Variants in FHIT observed in about 807,000 individuals in gnomAD.
FHIT encodes the protein fragile histidine triad diadenosine triphosphatase.
A neutral mutation model predicts 17.9 loss-of-function variants in FHIT; 19 were observed. That is an observed-to-expected ratio of 1.06 (90% CI 0.74 to 1.56). FHIT has a LOEUF of 1.56. Among genes scored for constraint, FHIT ranks in the 40% most tolerant of loss-of-function variants. The probability of loss-of-function intolerance (pLI) is 0.00; values close to 1 mark genes in which losing one functional copy is unlikely to be tolerated. For synonymous variants in FHIT, 81 were observed against 69.7 expected (o/e 1.16, Z -0.81); for missense variants, 248 against 189.2 (o/e 1.31, Z -1.82).
chr3:60,889,598 A>C (rs782705943), intron 3 of FHIT, among the ~76,000 whole-genome samples: 6 of 152,214 alleles, frequency 3.9e-5, no homozygotes, highest in Non-Finnish European at 7.3e-5. Flanking sequence ...AGTGGAGGCA[A>C]TAGTGAGGAC....
chr3:59,782,246 G>A (rs567324493), intron 8 of FHIT, among the ~76,000 whole-genome samples: 4 of 152,238 alleles, frequency 2.6e-5, no homozygotes, highest in Admixed American at 6.5e-5. Context: ...GAGCTACTGC[G>A]CCTGGCCATC....
chr3:59,892,076 TA>T (rs1354021560), intron 8 of FHIT, among the ~76,000 whole-genome samples: 1 of 152,250 alleles, frequency 6.6e-6, no homozygotes, highest in African/African-American at 2.4e-5. Flanking sequence ...GCCAAGTCCA[TA>T]CCTTCTGAGA....
rs193086578 is a variant in FHIT, at chr3:59,935,974, T to C, written c.280-13560A>G. On this transcript the variant is annotated intron_variant, in intron 7 of 9. Coordinates refer to ENST00000492590, the MANE Select transcript of FHIT (RefSeq NM_002012.4). ...CACCTTTCTTCCCCACTGAAAAGTATCTTTTTACCAAAATGTAAGTTTGAA... is the reference window on the plus strand; with the variant it reads ...CACCTTTCTTCCCCACTGAAAAGTACCTTTTTACCAAAATGTAAGTTTGAA... Among the ~76,000 whole-genome samples the C allele has an allele frequency of 3.1e-3, 468 of 152,312 alleles. 2 individuals carry two copies. Among genetic ancestry groups the C allele is most frequent in the African/African-American group, 0.011 (442 of 41,570 alleles).
chr3:60,844,101 A>G (rs1575590564), intron 3 of FHIT, among the ~76,000 whole-genome samples: 1 of 152,204 alleles, frequency 6.6e-6, no homozygotes, highest in Non-Finnish European at 1.5e-5. Flanking sequence ...TCTCCAAGGA[A>G]ATACAGAGCT....
chr3:60,433,618 G>A (rs9866142), intron 5 of FHIT, among the ~76,000 whole-genome samples: 20,807 of 152,018 alleles, frequency 0.14, 1,662 homozygotes, highest in Admixed American at 0.26. Flanking sequence ...CATCCTAACA[G>A]GTGTGAGGTG....
chr3:59,905,761 TC>T (rs1704558615), intron 8 of FHIT, among the ~76,000 whole-genome samples: 1 of 152,104 alleles, frequency 6.6e-6, no homozygotes, highest in African/African-American at 2.4e-5. Context: ...ATACGTAACT[TC>T]CTCCTGTGAC....
intron 7 of FHIT, among the ~76,000 whole-genome samples, chr3:59,948,202 T>A (rs947941392): frequency 6.6e-6 from 1 of 151,982 alleles, no homozygotes; most frequent in African/African-American, 2.4e-5. Flanking sequence ...AAGTATACGT[T>A]TGGTTTTTAA....
At chr3:59,945,763 G>T (rs1301193752) in intron 7 of FHIT, among the ~76,000 whole-genome samples, 1 of 152,160 alleles carries the variant, frequency 6.6e-6, no homozygotes, top group Non-Finnish European at 1.5e-5. Flanking sequence ...TGGCTAGTCA[G>T]TTATTCAAGC....
intron 4 of FHIT, among the ~76,000 whole-genome samples, chr3:60,555,846 T>C (rs574697005): frequency 6.6e-6 from 1 of 152,138 alleles, no homozygotes; most frequent in East Asian, 1.9e-4. Context: ...TCAGGCCAGG[T>C]GGGACATTTC....
intron 4 of FHIT, among the ~76,000 whole-genome samples, chr3:60,589,587 G>C (rs1457031376): frequency 6.6e-6 from 1 of 151,952 alleles, no homozygotes; most frequent in Non-Finnish European, 1.5e-5. Flanking sequence ...TCTTCATATG[G>C]CTTTGTCCAC....
intron 8 of FHIT, among the ~76,000 whole-genome samples, chr3:59,918,564 T>C (rs1371464651): frequency 1.3e-5 from 2 of 152,138 alleles, no homozygotes; most frequent in African/African-American, 4.8e-5. Flanking sequence ...GGCAGGGAGA[T>C]TAAACAGATG....
chr3:60,416,784 A>G (rs1010193193), intron 5 of FHIT, among the ~76,000 whole-genome samples: 3 of 152,128 alleles, frequency 2.0e-5, no homozygotes, highest in Non-Finnish European at 4.4e-5. Flanking sequence ...CATTTACTGT[A>G]GCGTTAAAAA....
At chr3:60,571,331 A>G (rs1247866704) in intron 4 of FHIT, among the ~76,000 whole-genome samples, 9 of 89,446 alleles carry the variant, frequency 1.0e-4, no homozygotes, top group South Asian at 1.1e-3. Context: ...GCAAGACTCC[A>G]TCGCAAAAAA....
intron 2 of FHIT, among the ~76,000 whole-genome samples, chr3:61,090,837 C>T (rs1159127459): frequency 6.6e-6 from 1 of 152,046 alleles, no homozygotes; most frequent in South Asian, 2.1e-4. Context: ...TTTGAAGGTA[C>T]CAAGTTATTT....
intron 8 of FHIT, among the ~76,000 whole-genome samples, chr3:59,904,048 C>T (rs1704462014): frequency 6.6e-6 from 1 of 151,866 alleles, no homozygotes; most frequent in African/African-American, 2.4e-5. Flanking sequence ...AGAAATAGCA[C>T]AAAATAGTGG....
intron 8 of FHIT, among the ~76,000 whole-genome samples, chr3:59,819,516 T>C (rs1700717607): frequency 6.6e-6 from 1 of 152,212 alleles, no homozygotes; most frequent in South Asian, 2.1e-4. Context: ...AATGTTAAAA[T>C]AGAAATAAGA....
At chr3:60,740,592 T>C (rs2042221670) in intron 4 of FHIT, among the ~76,000 whole-genome samples, 1 of 152,172 alleles carries the variant, frequency 6.6e-6, no homozygotes. Context: ...AAGTCTACAG[T>C]TCAGTGGCAT....
chr3:61,212,574 C>G (rs1041388054), intron 1 of FHIT, among the ~76,000 whole-genome samples: 4 of 152,228 alleles, frequency 2.6e-5, no homozygotes, highest in Non-Finnish European at 4.4e-5. Flanking sequence ...TTGGAAAACA[C>G]TCTGCAGGAT....
At chr3:60,982,642 T>A (rs1575793113) in intron 3 of FHIT, among the ~76,000 whole-genome samples, 1 of 152,208 alleles carries the variant, frequency 6.6e-6, no homozygotes, top group South Asian at 2.1e-4. Flanking sequence ...ATGGGGACTC[T>A]CCCTGTCTCA....
Sources: gnomAD v4.1 joint callset for allele counts (sites outside exome capture counted in the v4.1 genomes callset) on GRCh38, gnomAD v4.1.1 for gene constraint, MANE v1.5 for transcripts, NCBI Gene and HGNC (gene_info 2026-07-23, HGNC 2026-07-21) for gene names.